Variants in NPAS3 observed in about 807,000 individuals in gnomAD.
NPAS3 encodes the protein neuronal PAS domain-containing protein 3.
In NPAS3, 14 loss-of-function variants were observed where a neutral mutation model predicts 73.1. The ratio of observed to expected loss-of-function variants is 0.19; its 90% CI spans 0.13 to 0.30. The LOEUF (loss-of-function observed/expected upper bound fraction) is 0.30, where lower values mean the gene tolerates loss of function less well. Among genes scored for constraint, NPAS3 ranks in the 10% least tolerant of loss-of-function variants. The pLI, the probability that NPAS3 is intolerant of heterozygous loss-of-function variation, is 1.00. For synonymous variants in NPAS3, 620 were observed against 541.5 expected (o/e 1.14, Z -2.01); for missense variants, 1,096 against 1,250.0 (o/e 0.88, Z 1.86).
intron 4 of NPAS3, among the ~76,000 whole-genome samples, chr14:33,531,291 C>T (rs927610217): frequency 2.0e-5 from 3 of 152,052 alleles, no homozygotes; most frequent in Non-Finnish European, 2.9e-5. Context: ...AATGTAACCA[C>T]CCATCACAAT....
chr14:33,498,222 G>C (rs1210393869), intron 4 of NPAS3, among the ~76,000 whole-genome samples: 1 of 152,114 alleles, frequency 6.6e-6, no homozygotes. Flanking sequence ...GGAGAAATAG[G>C]AATGCTTTTA....
intron 2 of NPAS3, among the ~76,000 whole-genome samples, chr14:33,112,770 T>G (rs768602113): frequency 9.9e-5 from 15 of 152,238 alleles, no homozygotes; most frequent in Admixed American, 3.3e-4. Context: ...GTATTGCCTA[T>G]GTTTTCTTCT....
At chr14:33,473,441 C>A (rs551855151) in intron 4 of NPAS3, among the ~76,000 whole-genome samples, 12 of 152,168 alleles carry the variant, frequency 7.9e-5, no homozygotes, top group African/African-American at 2.6e-4. Flanking sequence ...GGAATGTTTT[C>A]TAGAGAGAAC....
intron 4 of NPAS3, among the ~76,000 whole-genome samples, chr14:33,552,977 A>G (rs1018660157): frequency 1.3e-5 from 2 of 152,214 alleles, no homozygotes; most frequent in African/African-American, 4.8e-5. Flanking sequence ...GTGCTCTAGA[A>G]TAACTATTGG....
At chr14:33,670,101 A>G (rs576995344) in intron 5 of NPAS3, among the ~76,000 whole-genome samples, 1 of 152,276 alleles carries the variant, frequency 6.6e-6, no homozygotes, top group African/African-American at 2.4e-5. Flanking sequence ...TCCCGGAGTG[A>G]TAGAAAAATG....
chr14:33,716,746 C>T (rs986327394), intron 6 of NPAS3, among the ~76,000 whole-genome samples: 2 of 151,900 alleles, frequency 1.3e-5, no homozygotes, highest in African/African-American at 4.8e-5. Flanking sequence ...GAGTATTTTC[C>T]TGGTCGTTGT....
intron 4 of NPAS3, among the ~76,000 whole-genome samples, chr14:33,457,560 T>C (rs1351798795): frequency 6.6e-6 from 1 of 152,206 alleles, no homozygotes; most frequent in Non-Finnish European, 1.5e-5. Context: ...GAAACTCACT[T>C]ACAGTAGGAT....
chr14:33,342,005 G>A (rs1028011119), intron 3 of NPAS3, among the ~76,000 whole-genome samples: 1 of 152,220 alleles, frequency 6.6e-6, no homozygotes. Flanking sequence ...CGATGCCCTG[G>A]GAGACAAGAT....
chr14:33,672,026 G>A (rs116040257), intron 5 of NPAS3, among the ~76,000 whole-genome samples: 3,386 of 152,194 alleles, frequency 0.022, 124 homozygotes, highest in African/African-American at 0.078. Flanking sequence ...GATATCAAGG[G>A]ATAGTTAAGA....
chr14:33,115,206 C>A (rs988618332), intron 2 of NPAS3, among the ~76,000 whole-genome samples: 1 of 152,120 alleles, frequency 6.6e-6, no homozygotes, highest in Non-Finnish European at 1.5e-5. Context: ...TGAAAGAAGG[C>A]TGTTCACTTT....
intron 2 of NPAS3, among the ~76,000 whole-genome samples, chr14:33,114,192 A>G (rs952401528): frequency 2.0e-5 from 3 of 151,890 alleles, no homozygotes; most frequent in Non-Finnish European, 4.4e-5. Context: ...GGTGCTACCA[A>G]ATGTGGCTAA....
intron 1 of NPAS3, among the ~76,000 whole-genome samples, chr14:32,953,303 C>T (rs1192123380): frequency 2.0e-5 from 3 of 152,078 alleles, no homozygotes; most frequent in East Asian, 3.9e-4. Flanking sequence ...GGACCCTTTC[C>T]CCCTCCTGCA....
chr14:33,280,161 G>C (rs562492949), intron 3 of NPAS3, among the ~76,000 whole-genome samples: 6 of 152,036 alleles, frequency 3.9e-5, no homozygotes, highest in African/African-American at 1.2e-4. Flanking sequence ...CCTGTCCAGG[G>C]ACCAGTACCT....
chr14:33,794,228 T>G (rs1403461089), intron 10 of NPAS3, among the ~76,000 whole-genome samples, 184 bp downstream of exon 10: 1 of 152,238 alleles, frequency 6.6e-6, no homozygotes, highest in African/African-American at 2.4e-5. Context: ...TCAAACTATG[T>G]TGGAAGGGAC....
rs559260543 is a variant in NPAS3, at chr14:32,946,563, A to G, written c.50+7197A>G. Among the ~76,000 whole-genome samples, 14 of 151,994 alleles carry G rather than the reference A, an allele frequency of 9.2e-5. No homozygotes were observed. In the East Asian group the frequency reaches 2.7e-3, roughly 29 times the overall value. ...TATATGCAAGATCTCAGTAGCAGAC[A>G]AACATGCCACATTTATCTTTACGTT... On this transcript the variant is annotated intron_variant, in intron 1 of 11. Coordinates refer to ENST00000356141, the Ensembl canonical transcript of NPAS3.
intron 4 of NPAS3, among the ~76,000 whole-genome samples, chr14:33,541,458 G>A (rs1791696118): frequency 6.6e-6 from 1 of 152,186 alleles, no homozygotes; most frequent in African/African-American, 2.4e-5. Flanking sequence ...GGGTTGGATA[G>A]AGACCTGGTT....
intron 6 of NPAS3, among the ~76,000 whole-genome samples, chr14:33,722,800 A>C (rs2061153267): frequency 6.6e-6 from 1 of 152,206 alleles, no homozygotes; most frequent in Non-Finnish European, 1.5e-5. Flanking sequence ...ATATTCTCCA[A>C]TAAATAACCC....
Position 33,560,218 on chromosome 14 carries a change from A to C in NPAS3, c.558+8A>C. On this transcript the variant is annotated splice_region_variant and intron_variant, in intron 5 of 11. Coordinates refer to ENST00000356141, the Ensembl canonical transcript of NPAS3. ...TACCTAGGCCTCTCACAAGTAAGTA[A>C]AACAATTTTAGATTCTTGGCAGCGA... The C allele has an allele frequency of 7.0e-6, 6 of 860,710 alleles. No individual in the cohort carries two copies. The highest frequency in any genetic ancestry group is 1.2e-5 in the Non-Finnish European group (6 of 495,570). 53.3% of individuals were successfully genotyped at this position (860,710 alleles called of 1,614,324 possible).
intron 3 of NPAS3, among the ~76,000 whole-genome samples, chr14:33,258,095 A>G (rs570690326): frequency 1.3e-5 from 2 of 152,332 alleles, no homozygotes; most frequent in East Asian, 3.9e-4. Flanking sequence ...TAAGGTACTT[A>G]TGAAATTAAG....
Sources: allele counts gnomAD v4.1 joint callset (sites outside exome capture counted in the v4.1 genomes callset), GRCh38; gene constraint gnomAD v4.1.1; transcripts MANE v1.5; gene names NCBI Gene and HGNC (gene_info 2026-07-23, HGNC 2026-07-21).